DDX50: variants seen among roughly 807,000 people sequenced by gnomAD.
DDX50 encodes the protein DExD-box helicase 50.
A neutral mutation model predicts 94.8 loss-of-function variants in DDX50; 56 were observed. The observed-to-expected ratio is 0.59, with a 90% CI of 0.48 to 0.74. The LOEUF (loss-of-function observed/expected upper bound fraction) is 0.74, where lower values mean the gene tolerates loss of function less well. Ranked by LOEUF, DDX50 falls within the 30% of genes least tolerant of loss-of-function variation. The pLI is 0.00. For synonymous variants in DDX50, 264 were observed against 295.4 expected (o/e 0.89, Z 1.09); for missense variants, 713 against 881.2 (o/e 0.81, Z 2.42).
intron 8 of DDX50, among the ~76,000 whole-genome samples, chr10:68,929,356 CTTCTTTCCTTCCTTTCCT>C (rs768214240): frequency 1.2e-3 from 172 of 140,362 alleles, no homozygotes; most frequent in Non-Finnish European, 1.3e-3. Flanking sequence ...TCCTTCTTTC[CTTCTTTCCTTCCTTTCCT>C]TTCTTTCCTT....
rs751774971 is a variant in DDX50 at position 68,901,400 on chromosome 10, C to T, written c.16C>T (p.Leu6Phe). Reference sequence around the variant, plus strand: ...GTGGCCAGTAATGCCTGGGAAACTCCTCTGGGGGGACATTATGGAGCTGGA... The same window carrying T: ...GTGGCCAGTAATGCCTGGGAAACTCTTCTGGGGGGACATTATGGAGCTGGA... MPGKL[L>F]WGDIMELEAP... The change falls in exon 1 of 15, where the codon CTC (leucine) becomes TTC (phenylalanine). Residue 6 changes from leucine to phenylalanine, a missense_variant. By Grantham distance (22) the Leu-to-Phe change is conservative. Transcript: ENST00000373585. The T allele has an allele frequency of 1.9e-6, 3 of 1,564,218 alleles. No individual in the cohort carries two copies. Among genetic ancestry groups the T allele is most frequent in the South Asian group, 2.4e-5 (2 of 84,618 alleles).
Position 68,919,768 on chromosome 10 carries a change from A to G in DDX50, c.1090-64A>G, listed in dbSNP as rs527480474. 15 of 1,577,126 alleles carry G rather than the reference A, an allele frequency of 9.5e-6. No individual in the cohort carries two copies. In the East Asian group the frequency reaches 2.6e-4, roughly 27 times the overall value. On this transcript the variant is annotated intron_variant, in intron 7 of 14. Transcript: ENST00000373585. ...ATTCTTGACCAGATAGAAAAAATACACAAGAGAAATATTTTAAAATAATTT... is the reference window on the plus strand; with the variant it reads ...ATTCTTGACCAGATAGAAAAAATACGCAAGAGAAATATTTTAAAATAATTT...
Position 68,911,169 on chromosome 10 carries a change from A to T in DDX50, c.562A>T (p.Thr188Ser). ...IAQARTGTGKTFSFAIPLIER... is the reference protein window; with the variant it reads ...IAQARTGTGKSFSFAIPLIER... ...TCAAGCACGGACAGGAACAGGAAAG[A>T]CATTCTCTTTTGCCATCCCCTTAAT... is the stretch of plus-strand genomic sequence containing the variant. The change falls in exon 4 of 15, where the codon ACA becomes TCA. Residue 188 changes from threonine (T) to serine (S), a missense_variant. Thr to Ser is a moderately conservative substitution (Grantham distance 58). Coordinates refer to ENST00000373585, the MANE Select transcript of DDX50 (RefSeq NM_024045.2). The T allele has an allele frequency of 6.2e-7, 1 of 1,612,952 alleles. No individual in the cohort carries two copies. Among genetic ancestry groups the T allele is most frequent in the East Asian group, 2.2e-5 (1 of 44,832 alleles).
At chr10:68,906,671 C>T (rs1352791801) in intron 1 of DDX50, 40 bp from the exon 2 acceptor site, 4 of 1,588,726 alleles carry the variant, frequency 2.5e-6, no homozygotes, top group Non-Finnish European at 3.4e-6. Context: ...TAAAAGAAAA[C>T]CTCTGACCAT....
rs751454389 is a variant in DDX50, at chr10:68,936,932, A to G, written c.1596-4A>G. 2.5e-6 allele frequency: 4 copies of G among 1,593,996 alleles called. No homozygotes were observed. Among genetic ancestry groups the G allele is most frequent in the South Asian group, 1.1e-5 (1 of 88,774 alleles). On this transcript the variant is annotated splice_region_variant and splice_polypyrimidine_tract_variant and intron_variant, in intron 11 of 14. Coordinates refer to ENST00000373585, the MANE Select transcript of DDX50 (RefSeq NM_024045.2). ...TGACCAAGAATACTATTTTTAAACC[A>G]TAGGTCTCTGGCTTCCGTTTCTTAC...
At chr10:68,919,086 G>A (rs1324776389) in intron 7 of DDX50, among the ~76,000 whole-genome samples, 1 of 152,128 alleles carries the variant, frequency 6.6e-6, no homozygotes, top group Non-Finnish European at 1.5e-5. Context: ...CTAGGTGCGT[G>A]TAGTAGGCTA....
chr10:68,910,314 C>CA lies in DDX50; in HGVS notation c.393dup (p.Arg132ThrfsTer2). 1 of 1,605,602 alleles carries CA rather than the reference C, an allele frequency of 6.2e-7. No homozygotes were observed. Among genetic ancestry groups the CA allele is most frequent in the South Asian group, 1.1e-5 (1 of 90,034 alleles). On this transcript the variant is annotated frameshift_variant, in exon 3 of 15. Transcript: ENST00000373585. LOFTEE classifies it high-confidence loss of function. Reference sequence around the variant, plus strand: ...TTGATTTCATTTTTACAGACCTTAACACGTGAACAGAAAGAAGGAGCCTTC... The same window carrying CA: ...TTGATTTCATTTTTACAGACCTTAACAACGTGAACAGAAAGAAGGAGCCTTC...
intron 8 of DDX50, among the ~76,000 whole-genome samples, chr10:68,929,568 G>C (rs1842195703): frequency 6.6e-6 from 1 of 151,700 alleles, no homozygotes. Flanking sequence ...TGGGACTACA[G>C]GCGTGCACCA....
intron 8 of DDX50, among the ~76,000 whole-genome samples, chr10:68,922,912 C>T (rs1247152467): frequency 6.6e-6 from 1 of 150,464 alleles, no homozygotes; most frequent in African/African-American, 2.4e-5. Context: ...CTGCCTCAGC[C>T]TCCTGAGTAG....
Position 68,941,144 on chromosome 10 carries a change from A to G in DDX50, c.1840A>G (p.Ser614Gly). The G allele has an allele frequency of 2.5e-6, 4 of 1,613,498 alleles. No homozygotes were observed. Among genetic ancestry groups the G allele is most frequent in the Non-Finnish European group, 3.4e-6 (4 of 1,179,892 alleles). ...AWKELNRKLSSNAVSQITRMC... is the reference protein window; with the variant it reads ...AWKELNRKLSGNAVSQITRMC... ...GAAAGAACTTAACAGAAAGCTGAGTAGTAATGCAGTGTCTCAGATTACCAG... is the reference window on the plus strand; with the variant it reads ...GAAAGAACTTAACAGAAAGCTGAGTGGTAATGCAGTGTCTCAGATTACCAG... The change falls in exon 13 of 15, where the codon AGT becomes GGT. Residue 614 changes from serine (S) to glycine (G), a missense_variant. Around this residue, in one of 2 missense-constraint regions of DDX50, gnomAD observed 428 missense variants for 602.3 expected, o/e 0.71. Transcript: ENST00000373585.
chr10:68,908,340 A>G (rs1011999496), intron 2 of DDX50, among the ~76,000 whole-genome samples: 1 of 151,086 alleles, frequency 6.6e-6, no homozygotes, highest in African/African-American at 2.4e-5. Flanking sequence ...AATCCCAGCT[A>G]CTTGGGAGGC....
chr10:68,931,422 TATATACACAA>T (rs1842267020), intron 8 of DDX50, among the ~76,000 whole-genome samples: 1 of 29,290 alleles, frequency 3.4e-5, no homozygotes, highest in Admixed American at 4.0e-4. Flanking sequence ...TATATATATA[TATATACACAA>T]ACACACACAC....
In DDX50 at chr10:68,935,994, T is replaced by C. The variant is rs1231163358; in HGVS notation, c.1522-12T>C. The C allele has an allele frequency of 1.3e-6, 2 of 1,577,878 alleles. No homozygotes were observed. Among genetic ancestry groups the C allele is most frequent in the South Asian group, 1.2e-5 (1 of 86,292 alleles). The stretch of plus-strand genomic sequence containing the variant: ...CTTCCATTTTTCTTTAATGTAACTC[T>C]TTCATTTTCAGGGAATTACTTTTAA... On this transcript the variant is annotated splice_polypyrimidine_tract_variant and intron_variant, in intron 10 of 14. Transcript: ENST00000373585.
rs1003327043 is a variant in DDX50, at chr10:68,901,324, C to G, written c.-61C>G. ...CGCCTTGCCCCCGCTTCCTTTCACG[C>G]TGTCGCTGCCCGTAGGTGGTTGTGG... On this transcript the variant is annotated 5_prime_UTR_variant, in exon 1 of 15. Coordinates refer to ENST00000373585, the MANE Select transcript of DDX50 (RefSeq NM_024045.2). 1.4e-6 allele frequency: 2 copies of G among 1,442,008 alleles called. No homozygotes were observed. The highest frequency in any genetic ancestry group is 2.7e-5 in the East Asian group (1 of 36,614). The allele number at this position is 1,442,008 out of a possible 1,614,324, so 89.3% of individuals were successfully genotyped here.
At position 68,911,209 on chromosome 10, in the gene DDX50, G is replaced by T. The variant is rs1306759344; in HGVS notation, c.602G>T (p.Arg201Ile). 8 of 1,604,488 alleles carry T rather than the reference G, an allele frequency of 5.0e-6. No homozygotes were observed. The highest frequency in any genetic ancestry group is 6.8e-6 in the Non-Finnish European group (8 of 1,177,250). The part of the protein sequence containing the change: ...FAIPLIERLQ[R>I]NQETIKKSRS... ...ATCCCCTTAATTGAAAGACTCCAAAGAAATCAAGAAACAATTAAAAAAAGC... is the reference window on the plus strand; with the variant it reads ...ATCCCCTTAATTGAAAGACTCCAAATAAATCAAGAAACAATTAAAAAAAGC... Residue 201 changes from arginine to isoleucine, a missense_variant, in exon 4 of 15, where the codon AGA becomes ATA. Arg to Ile is a moderately conservative substitution (Grantham distance 97, BLOSUM62 -3). This residue lies in a region of DDX50 where 285 missense variants were observed against 278.9 expected (regional missense o/e 1.02). Coordinates refer to ENST00000373585, the MANE Select transcript of DDX50 (RefSeq NM_024045.2).
intron 8 of DDX50, among the ~76,000 whole-genome samples, chr10:68,923,404 C>T (rs1271178295): frequency 1.3e-5 from 2 of 150,970 alleles, no homozygotes; most frequent in African/African-American, 4.8e-5. Flanking sequence ...GATGGGATTT[C>T]TCTAAGTTGC....
At chr10:68,923,111 TAAA>T (rs71474455) in intron 8 of DDX50, among the ~76,000 whole-genome samples, 1 of 114,450 alleles carries the variant, frequency 8.7e-6, no homozygotes, top group Non-Finnish European at 1.7e-5. Context: ...CCCTTTCTCT[TAAA>T]AAAAAAAAAA....
rs568232462 is a variant in DDX50 at position 68,914,889 on chromosome 10, C to T, written c.1089+685C>T. Among the ~76,000 whole-genome samples, 20 of 152,080 alleles carry T rather than the reference C, an allele frequency of 1.3e-4. No individual in the cohort carries two copies. The South Asian group carries it at 3.3e-3, about 25-fold the overall frequency. On this transcript the variant is annotated intron_variant, in intron 7 of 14. Transcript: ENST00000373585. ...ATAGAAAAATTAGCCGGCCTGGTGG[C>T]GGGCCCCTGTAGTCCCAGCTATTTG...
chr10:68,916,843 C>T (rs1456172717), intron 7 of DDX50, among the ~76,000 whole-genome samples: 1 of 152,122 alleles, frequency 6.6e-6, no homozygotes, highest in Non-Finnish European at 1.5e-5. Context: ...CACCACCACA[C>T]CTGGCTAATT....
Sources: gnomAD v4.1 joint callset for allele counts (sites outside exome capture counted in the v4.1 genomes callset) on GRCh38, gnomAD v4.1.1 for gene constraint, gnomAD v4.1.1 regional missense constraint, MANE v1.5 for transcripts, NCBI Gene and HGNC (gene_info 2026-07-23, HGNC 2026-07-21) for gene names.